ATG16L1: variants seen among roughly 807,000 people sequenced by gnomAD.
ATG16L1 encodes the protein autophagy related 16 like 1, also known as autophagy-related protein 16-1.
In ATG16L1, 37 loss-of-function variants were observed where a neutral mutation model predicts 88.5. The observed-to-expected ratio is 0.42, with a 90% CI of 0.32 to 0.55. ATG16L1 has a LOEUF of 0.55. Among genes scored for constraint, ATG16L1 ranks in the 20% least tolerant of loss-of-function variants. ATG16L1 has a pLI of 0.13. For synonymous variants in ATG16L1, 301 were observed against 281.0 expected (o/e 1.07, Z -0.71); for missense variants, 554 against 752.8 (o/e 0.74, Z 3.09).
chr2:233,263,764 C>T (rs1697374934), intron 3 of ATG16L1, among the ~76,000 whole-genome samples: 1 of 152,162 alleles, frequency 6.6e-6, no homozygotes, highest in Non-Finnish European at 1.5e-5. Flanking sequence ...GACAGCTGTC[C>T]TCAGCAAGCC....
intron 3 of ATG16L1, 80 bp from the exon 4 acceptor site, chr2:233,263,912 A>G (rs1346699750): frequency 1.4e-6 from 2 of 1,399,406 alleles, no homozygotes; most frequent in African/African-American, 1.4e-5. Flanking sequence ...TTTCTTAAAA[A>G]TAAATCGCCA....
intron 12 of ATG16L1, among the ~76,000 whole-genome samples, chr2:233,286,167 G>A (rs1454241110): frequency 1.3e-5 from 2 of 152,188 alleles, no homozygotes; most frequent in Admixed American, 6.5e-5. Flanking sequence ...GGAATCGGCT[G>A]TCTTTGGTTG....
At chr2:233,293,144 C>CA in intron 16 of ATG16L1, 112 bp from the exon 17 acceptor site, 1 of 905,552 alleles carries the variant, frequency 1.1e-6, no homozygotes, top group Non-Finnish European at 1.8e-6. Context: ...TCTGGGTACA[C>CA]AGGAGTGGTC....
intron 13 of ATG16L1, 69 bp from the exon 14 acceptor site, chr2:233,290,179 G>A: frequency 6.5e-7 from 1 of 1,539,972 alleles, no homozygotes; most frequent in Non-Finnish European, 9.0e-7. Flanking sequence ...GTGGTTAGAG[G>A]GTGGCAGCAT....
At chr2:233,270,573 C>T (rs889558874) in intron 6 of ATG16L1, among the ~76,000 whole-genome samples, 2 of 152,188 alleles carry the variant, frequency 1.3e-5, no homozygotes, top group Admixed American at 6.5e-5. Context: ...ACACTTTGAA[C>T]GATCAGTTTT....
At chr2:233,272,864 A>T (rs945332904) in intron 6 of ATG16L1, 102 bp from the exon 7 acceptor site, 10 of 990,534 alleles carry the variant, frequency 1.0e-5, no homozygotes, top group Non-Finnish European at 1.4e-5. Context: ...GTCATAGCCA[A>T]GTGGTTTAGG....
intron 2 of ATG16L1, 49 bp downstream of exon 2, chr2:233,256,244 A>T: frequency 6.8e-7 from 1 of 1,478,076 alleles, no homozygotes. Flanking sequence ...AAGGAAATTT[A>T]TCTCAGTTCA....
intron 17 of ATG16L1, 89 bp downstream of exon 17, chr2:233,293,446 G>A (rs554491633): frequency 1.4e-4 from 165 of 1,209,684 alleles, no homozygotes; most frequent in African/African-American, 3.1e-4. Flanking sequence ...GACCTCAGTC[G>A]GCGCTGTGAG....
intron 12 of ATG16L1, chr2:233,288,770 T>TGCTGCGATGGGCAGAAGG: frequency 1.9e-6 from 1 of 519,162 alleles, no homozygotes; most frequent in Non-Finnish European, 3.8e-6. Flanking sequence ...ACTTCAGAAG[T>TGCTGCGATGGGCAGAAGG]GCTGCGATGG....
intron 10 of ATG16L1, among the ~76,000 whole-genome samples, chr2:233,278,175 T>G (rs1326437702): frequency 6.6e-6 from 1 of 152,222 alleles, no homozygotes; most frequent in Non-Finnish European, 1.5e-5. Context: ...TATTTAACAG[T>G]GTATCAGACG....
At chr2:233,265,175 A>T (rs1268087022) in intron 5 of ATG16L1, 32 bp downstream of exon 5, 1 of 1,611,508 alleles carries the variant, frequency 6.2e-7, no homozygotes, top group African/African-American at 1.3e-5. Context: ...AGTGGTTTCC[A>T]TCCTTAGTAG....
At chr2:233,281,559 G>T (rs1040264700) in intron 11 of ATG16L1, among the ~76,000 whole-genome samples, 1 of 152,224 alleles carries the variant, frequency 6.6e-6, no homozygotes. Context: ...TGAGATGTGT[G>T]TGGAGTAGAA....
intron 12 of ATG16L1, among the ~76,000 whole-genome samples, chr2:233,285,142 G>A (rs779854207): frequency 1.2e-4 from 19 of 152,184 alleles, no homozygotes; most frequent in Non-Finnish European, 1.8e-4. Flanking sequence ...TGGCCTAGCC[G>A]GTACTCATGG....
intron 2 of ATG16L1, among the ~76,000 whole-genome samples, chr2:233,259,907 G>A (rs543099439): frequency 2.0e-5 from 3 of 152,292 alleles, no homozygotes; most frequent in South Asian, 4.1e-4. Context: ...TGTGGTGAGA[G>A]CCTCATTCAC....
chr2:233,271,470 G>T (rs1222562638), intron 6 of ATG16L1, among the ~76,000 whole-genome samples: 1 of 152,274 alleles, frequency 6.6e-6, no homozygotes, highest in East Asian at 1.9e-4. Flanking sequence ...TAGAGATGGG[G>T]TTTCTCCATG....
intron 1 of ATG16L1, among the ~76,000 whole-genome samples, chr2:233,252,192 A>G (rs1696420645): frequency 1.3e-5 from 2 of 152,326 alleles, no homozygotes; most frequent in South Asian, 4.1e-4. Context: ...TGTATTTGTA[A>G]ATCCCAGTAG....
At chr2:233,289,299 A>G (rs962133167) in intron 12 of ATG16L1, among the ~76,000 whole-genome samples, 2 of 151,816 alleles carry the variant, frequency 1.3e-5, no homozygotes, top group South Asian at 2.1e-4. Context: ...CCAACACTCA[A>G]AGATAGGCTT....
Position 233,284,478 on chromosome 2 carries a change from C to T in ATG16L1, c.1203+1725C>T, listed in dbSNP as rs559821835. Among the ~76,000 whole-genome samples, 8 of 152,204 alleles carry T rather than the reference C, an allele frequency of 5.3e-5. No individual in the cohort carries two copies. In the South Asian group the frequency reaches 1.2e-3, roughly 24 times the overall value. On this transcript the variant is annotated intron_variant, in intron 12 of 17. Coordinates refer to ENST00000392017, the MANE Select transcript of ATG16L1 (RefSeq NM_030803.7). ...TCCTGAGTAGGTGGGACTACAGGCACGTGCCACCACACCTGGCTAATTTTT... is the reference window on the plus strand; with the variant it reads ...TCCTGAGTAGGTGGGACTACAGGCATGTGCCACCACACCTGGCTAATTTTT...
intron 9 of ATG16L1, chr2:233,275,561 A>G: frequency 2.7e-6 from 1 of 374,308 alleles, no homozygotes; most frequent in Non-Finnish European, 5.3e-6. Context: ...TCCAGGTATA[A>G]GGAGGGACTT....
Sources: allele counts gnomAD v4.1 joint callset (sites outside exome capture counted in the v4.1 genomes callset), GRCh38; gene constraint gnomAD v4.1.1; transcripts MANE v1.5; gene names NCBI Gene and HGNC (gene_info 2026-07-23, HGNC 2026-07-21).